STXBP2: variants seen among roughly 807,000 people sequenced by gnomAD.
The protein encoded by STXBP2 is syntaxin-binding protein 2.
In STXBP2, 47 loss-of-function variants were observed where a neutral mutation model predicts 72.2. The observed-to-expected ratio is 0.65, with a 90% confidence interval of 0.51 to 0.83. STXBP2 has a LOEUF of 0.83. STXBP2 is among the 40% of genes least tolerant of loss of function. The pLI is 0.00. For missense variants in STXBP2, 702 were observed against 807.6 expected (o/e 0.87, Z 1.58); for synonymous variants, 367 against 338.7 (o/e 1.08, Z -0.92).
rs77625497 is a variant in STXBP2 at position 7,641,506 on chromosome 19, A to G, written c.430-199A>G. 9.4e-3 allele frequency among the ~76,000 whole-genome samples: 1,429 copies of G among 152,258 alleles called. 24 individuals are homozygous for G. The highest frequency in any genetic ancestry group is 0.031 in the African/African-American group (1,300 of 41,544). ...ACCGCGGGGTTGTCCAGCCAGCTTA[A>G]GGGACACGGGCTGGGGTATTTATCC... On this transcript the variant is annotated intron_variant, in intron 6 of 18. Transcript: ENST00000221283.
At position 7,644,717 on chromosome 19, in the gene STXBP2, TC is replaced by T; in HGVS notation, c.1213del (p.Arg405GlyfsTer13). 1 of 1,613,778 alleles carries T rather than the reference TC, an allele frequency of 6.2e-7. No individual in the cohort carries two copies. The highest frequency in any genetic ancestry group is 1.3e-5 in the African/African-American group (1 of 74,996). ...LDAAVPAYDK[I>X]RVLLLYILLR... ...GCGGCGGTGCCCGCCTACGACAAGA[TC>T]CGGGTCCTGCTGCTCTACATCCTCC... On this transcript the variant is annotated frameshift_variant, in exon 14 of 19. Coordinates refer to ENST00000221283, the MANE Select transcript of STXBP2 (RefSeq NM_006949.4). LOFTEE classifies it high-confidence loss of function.
chr19:7,644,057 G>C (rs1187396860), intron 13 of STXBP2, among the ~76,000 whole-genome samples: 177 of 136,412 alleles, frequency 1.3e-3, no homozygotes, highest in East Asian at 2.2e-3. Flanking sequence ...CCTTGGAGAG[G>C]TGGGACCTGG....
the STXBP2 span, chr19:7,631,572 G>A: frequency 3.9e-6 from 6 of 1,529,452 alleles, no homozygotes; most frequent in Admixed American, 1.2e-4. Flanking sequence ...CCAAGTGGGA[G>A]TCCTAGCCCC....
In STXBP2 at chr19:7,641,717, G is replaced by C. The variant is rs748998296; in HGVS notation, c.442G>C (p.Asp148His). Residue 148 changes from aspartate to histidine, a missense_variant, in exon 7 of 19, where the codon GAT becomes CAT. Asp to His is a moderately conservative substitution (Grantham distance 81, BLOSUM62 -1). Transcript: ENST00000221283. Reference sequence around the variant, plus strand: ...CCTCCTCGCCCAGGTGTTCTCCCTCGATGCTCCCCACAGCACCTACAACCT... The same window carrying C: ...CCTCCTCGCCCAGGTGTTCTCCCTCCATGCTCCCCACAGCACCTACAACCT... The part of the protein sequence containing the change: ...LPYEAQVFSL[D>H]APHSTYNLYC... 1.8e-5 allele frequency: 28 copies of C among 1,553,984 alleles called. No individual in the cohort carries two copies. Among genetic ancestry groups the C allele is most frequent in the Non-Finnish European group, 2.4e-5 (28 of 1,149,154 alleles).
rs1427073800 is a variant in STXBP2, at chr19:7,644,718, C to T, written c.1212C>T (p.Ile404=). The T allele has an allele frequency of 1.2e-6, 2 of 1,613,792 alleles. No homozygotes were observed. The highest frequency in any genetic ancestry group is 2.2e-5 in the East Asian group (1 of 44,852). Residue 404 remains isoleucine, a synonymous_variant, in exon 14 of 19, where the codon ATC becomes ATT. Coordinates refer to ENST00000221283, the MANE Select transcript of STXBP2 (RefSeq NM_006949.4). ...CGGCGGTGCCCGCCTACGACAAGAT[C>T]CGGGTCCTGCTGCTCTACATCCTCC... is the stretch of plus-strand genomic sequence containing the variant. ...LDAAVPAYDK[I]RVLLLYILLR...
chr19:7,630,719 C>T, the STXBP2 span: 6 of 1,530,216 alleles, frequency 3.9e-6, no homozygotes, highest in African/African-American at 4.1e-5. Context: ...TGTGGGGCAG[C>T]AGTCTGCTGG....
chr19:7,639,737 A>T lies in STXBP2; in HGVS notation c.176A>T (p.Glu59Val), dbSNP rs1346538599. 1 of 1,613,072 alleles carries T rather than the reference A, an allele frequency of 6.2e-7. No homozygotes were observed. Among genetic ancestry groups the T allele is most frequent in the Admixed American group, 1.7e-5 (1 of 59,994 alleles). Residue 59 changes from glutamate (E) to valine (V), a missense_variant, in exon 4 of 19, where the codon GAA becomes GTA. Physicochemically the swap from Glu to Val is moderately radical, Grantham distance 121. Transcript: ENST00000221283. ...CTTCCTCTGTTCCTACTAGTTGTTG[A>T]AGACATCAACAAACGGCGGGAACCC... is the stretch of plus-strand genomic sequence containing the variant. ...DILAEGITIV[E>V]DINKRREPIP... is the part of the protein sequence containing the mutation.
At chr19:7,647,584 G>C in intron 18 of STXBP2, 73 bp downstream of exon 18, 8 of 1,585,490 alleles carry the variant, frequency 5.0e-6, no homozygotes, top group Non-Finnish European at 6.9e-6. Flanking sequence ...CCTTCTAGGT[G>C]TCTGGACTCC....
chr19:7,645,064 A>G, intron 14 of STXBP2, 133 bp from the exon 15 acceptor site: 1 of 1,455,888 alleles, frequency 6.9e-7, no homozygotes. Context: ...ACACTAGCAC[A>G]GGGTACTGAG....
intron 14 of STXBP2, 89 bp from the exon 15 acceptor site, chr19:7,645,108 C>T: frequency 6.8e-7 from 1 of 1,480,630 alleles, no homozygotes; most frequent in Non-Finnish European, 9.2e-7. Context: ...TCATCAGAGT[C>T]CTGGGAGCTC....
chr19:7,631,066 G>C, the STXBP2 span: 1 of 744,360 alleles, frequency 1.3e-6, no homozygotes, highest in Non-Finnish European at 2.1e-6. Flanking sequence ...AACTTAGCCA[G>C]GCATGGTGGC....
chr19:7,646,808 TGA>T, intron 16 of STXBP2: 4 of 428,036 alleles, frequency 9.3e-6, no homozygotes, highest in Non-Finnish European at 1.7e-5. Context: ...TCTGGGGCTC[TGA>T]GGGGCTGAGA....
chr19:7,642,593 G>A lies in STXBP2; in HGVS notation c.902+57G>A, dbSNP rs1314906725. ...CACCGCCCACTGTGGGCCTGGTAGC[G>A]GCCTTGGGATCCCTGGCTGCTGCCA... is the stretch of plus-strand genomic sequence containing the variant. On this transcript the variant is annotated intron_variant, in intron 10 of 18. Coordinates refer to ENST00000221283, the MANE Select transcript of STXBP2 (RefSeq NM_006949.4). The surrounding 1 kb of genome is among the most constrained non-coding windows in gnomAD (Gnocchi z 6.0). 29 of 1,594,126 alleles carry A rather than the reference G, an allele frequency of 1.8e-5. No homozygotes were observed. The highest frequency in any genetic ancestry group is 9.9e-5 in the South Asian group (9 of 90,648).
intron 1 of STXBP2, among the ~76,000 whole-genome samples, chr19:7,637,819 C>T (rs962014751): frequency 6.6e-6 from 1 of 152,216 alleles, no homozygotes; most frequent in South Asian, 2.1e-4. Flanking sequence ...GGACATGACA[C>T]AGTGGACGTG....
In STXBP2 at chr19:7,642,836, C is replaced by T. The variant is rs1294488374; in HGVS notation, c.960+13C>T. 8.7e-6 allele frequency: 14 copies of T among 1,614,106 alleles called. No homozygotes were observed. Among genetic ancestry groups the T allele is most frequent in the Non-Finnish European group, 1.2e-5 (14 of 1,180,010 alleles). On this transcript the variant is annotated intron_variant, in intron 11 of 18. Coordinates refer to ENST00000221283, the MANE Select transcript of STXBP2 (RefSeq NM_006949.4). This position sits in a 1 kb window ranked among gnomAD's most constrained non-coding sequence, Gnocchi z 6.0. ...GACCACGGACAAGGTAGGGGCGGAC[C>T]CAGGTCACCAAAGGCGCTGGTGGAA...
the STXBP2 span, chr19:7,630,945 C>T: frequency 5.6e-6 from 8 of 1,435,318 alleles, no homozygotes; most frequent in Middle Eastern, 1.7e-4. Flanking sequence ...CGCAGTGGCT[C>T]ATGCTTGTAA....
chr19:7,630,397 A>G, the STXBP2 span: 1 of 608,760 alleles, frequency 1.6e-6, no homozygotes, highest in East Asian at 2.8e-5. Context: ...CCTGGATTAT[A>G]GGAGTTAGGT....
the STXBP2 span, chr19:7,630,979 T>A: frequency 8.5e-7 from 1 of 1,171,506 alleles, no homozygotes; most frequent in South Asian, 1.3e-5. Context: ...GAGGCTGAGG[T>A]GGGTAGATCA....
Position 7,642,352 on chromosome 19 carries a change from C to A in STXBP2, c.794+19C>A. The A allele has an allele frequency of 1.2e-6, 2 of 1,613,152 alleles. No homozygotes were observed. The highest frequency in any genetic ancestry group is 1.7e-4 in the Middle Eastern group (1 of 6,060). ...CATACAGGTCTGCAGACTTGGAACC[C>A]GTCCCCACCCTTGCCACTGACCTGG... On this transcript the variant is annotated intron_variant, in intron 9 of 18. Transcript: ENST00000221283. This position sits in a 1 kb window ranked among gnomAD's most constrained non-coding sequence, Gnocchi z 6.0.
Sources: gnomAD v4.1 joint callset for allele counts (sites outside exome capture counted in the v4.1 genomes callset) on GRCh38, gnomAD v4.1.1 for gene constraint, Gnocchi (gnomAD v3.1) non-coding constraint, MANE v1.5 for transcripts, NCBI Gene and HGNC (gene_info 2026-07-23, HGNC 2026-07-21) for gene names.